SUSD1: variants seen among roughly 807,000 people sequenced by gnomAD.
SUSD1 encodes sushi domain containing 1.
A neutral mutation model predicts 86.9 loss-of-function variants in SUSD1; 65 were observed. The ratio of observed to expected loss-of-function variants is 0.75; its 90% CI spans 0.61 to 0.92. The LOEUF (loss-of-function observed/expected upper bound fraction) is 0.92, where lower values mean the gene tolerates loss of function less well. SUSD1 is among the 40% of genes least tolerant of loss of function. The probability of loss-of-function intolerance (pLI) is 0.00; values close to 1 mark genes in which losing one functional copy is unlikely to be tolerated. For missense variants in SUSD1, 850 were observed against 929.7 expected, an observed-to-expected ratio of 0.91 and a Z score of 1.11; for synonymous variants, 346 against 350.0, an observed-to-expected ratio of 0.99 and a Z score of 0.13.
At chr9:112,163,986 T>A (rs1833675701) in intron 1 of SUSD1, among the ~76,000 whole-genome samples, 3 of 150,596 alleles carry the variant, frequency 2.0e-5, no homozygotes, top group Admixed American at 6.6e-5. Flanking sequence ...GGGCAACAGA[T>A]CAAGACTCTG....
chr9:112,085,602 G>A (rs968355785), intron 10 of SUSD1, among the ~76,000 whole-genome samples: 10 of 152,164 alleles, frequency 6.6e-5, no homozygotes, highest in African/African-American at 2.2e-4. Context: ...AATAGGTTAC[G>A]GGAATTCAGA....
intron 1 of SUSD1, among the ~76,000 whole-genome samples, chr9:112,171,619 G>A (rs894854532): frequency 2.6e-5 from 4 of 152,134 alleles, no homozygotes; most frequent in Non-Finnish European, 4.4e-5. Context: ...TCATTAAGTA[G>A]CCCGCCATGG....
chr9:112,160,710 T>G (rs1031890087), intron 1 of SUSD1, among the ~76,000 whole-genome samples: 1 of 152,158 alleles, frequency 6.6e-6, no homozygotes, highest in Non-Finnish European at 1.5e-5. Flanking sequence ...GATGGATGCA[T>G]GGTAATTGCC....
intron 6 of SUSD1, among the ~76,000 whole-genome samples, chr9:112,117,360 G>A (rs1831370791): frequency 6.6e-6 from 1 of 152,168 alleles, no homozygotes. Flanking sequence ...GAGGTGGGAA[G>A]AGCAGGCCCT....
intron 2 of SUSD1, among the ~76,000 whole-genome samples, chr9:112,156,399 C>T (rs753946662): frequency 4.0e-5 from 6 of 150,822 alleles, no homozygotes; most frequent in South Asian, 4.2e-4. Context: ...GAGGCGGAGG[C>T]TGCAGTGAGC....
chr9:112,089,787 G>A (rs1830128517), intron 10 of SUSD1, among the ~76,000 whole-genome samples: 1 of 145,600 alleles, frequency 6.9e-6, no homozygotes, highest in African/African-American at 2.6e-5. Context: ...ACTCCAGCCT[G>A]GGTGACAGAG....
At chr9:112,127,628 T>A (rs1350980970) in intron 5 of SUSD1, among the ~76,000 whole-genome samples, 2 of 151,980 alleles carry the variant, frequency 1.3e-5, no homozygotes, top group Admixed American at 1.3e-4. Flanking sequence ...TATTACATGC[T>A]AGTCATTATA....
intron 8 of SUSD1, among the ~76,000 whole-genome samples, chr9:112,104,295 G>A (rs1235832519): frequency 6.6e-6 from 1 of 151,854 alleles, no homozygotes; most frequent in East Asian, 1.9e-4. Context: ...TGGGATTACA[G>A]GCATGAACCA....
chr9:112,078,621 C>T lies in SUSD1; in HGVS notation c.1670G>A (p.Arg557His), dbSNP rs773007954. ...ACTGACATTGTAGTTGGTACCCGGA[C>T]GTAGGTCCAAGCACACCTCGGGATC... ...SRDPEVCLDL[R>H]PGTNYNVSLR... The change falls in exon 12 of 17, where the codon CGT becomes CAT. Residue 557 changes from arginine to histidine, a missense_variant. Transcript: ENST00000374270. The T allele has an allele frequency of 3.7e-6, 6 of 1,613,854 alleles. No individual in the cohort carries two copies. The highest frequency in any genetic ancestry group is 3.3e-5 in the Admixed American group (2 of 59,980).
intron 11 of SUSD1, among the ~76,000 whole-genome samples, chr9:112,079,010 C>T (rs1014766930): frequency 8.6e-5 from 13 of 151,772 alleles, no homozygotes; most frequent in South Asian, 2.1e-4. Flanking sequence ...GACAGGGTTT[C>T]GCCATGTTGC....
intron 9 of SUSD1, among the ~76,000 whole-genome samples, chr9:112,099,335 C>A (rs1487839214): frequency 6.6e-6 from 1 of 152,102 alleles, no homozygotes; most frequent in African/African-American, 2.4e-5. Context: ...GCCATTGCAC[C>A]CAACCAAAAT....
intron 7 of SUSD1, 182 bp from the exon 8 acceptor site, chr9:112,112,022 T>C: frequency 1.8e-6 from 1 of 551,632 alleles, no homozygotes; most frequent in Non-Finnish European, 3.1e-6. Context: ...ATTAAACCCC[T>C]AGAGGAGACA....
At position 112,086,001 on chromosome 9, in the gene SUSD1, C is replaced by G. The variant is rs1589632474; in HGVS notation, c.1475-5836G>C. On this transcript the variant is annotated intron_variant, in intron 10 of 16. Coordinates refer to ENST00000374270, the MANE Select transcript of SUSD1 (RefSeq NM_022486.5). ...CATAAAAGGAAAATAGAAAACATTA[C>G]AAACTTTAAATTACTGTTAAGGCCG... is the stretch of plus-strand genomic sequence containing the variant. Among the ~76,000 whole-genome samples the G allele has an allele frequency of 3.3e-5, 5 of 151,714 alleles. No individual in the cohort carries two copies. In the South Asian group the frequency reaches 1.0e-3, roughly 32 times the overall value.
intron 6 of SUSD1, among the ~76,000 whole-genome samples, chr9:112,119,552 G>A (rs553400500): frequency 7.9e-5 from 12 of 152,338 alleles, no homozygotes; most frequent in African/African-American, 2.4e-4. Context: ...TTCTGAGAGC[G>A]TGGAGTGAGT....
chr9:112,064,046 T>TTGGG (rs1491139474), intron 12 of SUSD1, among the ~76,000 whole-genome samples: 1 of 78,656 alleles, frequency 1.3e-5, no homozygotes, highest in African/African-American at 4.0e-5. Flanking sequence ...TTTCTTTTTT[T>TTGGG]GGGGGGGGGG....
chr9:112,125,075 C>T (rs1176818665), intron 5 of SUSD1, among the ~76,000 whole-genome samples: 1 of 151,998 alleles, frequency 6.6e-6, no homozygotes, highest in Non-Finnish European at 1.5e-5. Flanking sequence ...CACTTAAGAG[C>T]CCAAGAAAGT....
chr9:112,086,869 T>G (rs1442161989), intron 10 of SUSD1, among the ~76,000 whole-genome samples: 2 of 151,878 alleles, frequency 1.3e-5, no homozygotes, highest in Non-Finnish European at 2.9e-5. Flanking sequence ...GAAACTGCAT[T>G]TCACTCAGTG....
At chr9:112,090,775 G>T (rs948885698) in intron 10 of SUSD1, among the ~76,000 whole-genome samples, 2 of 152,152 alleles carry the variant, frequency 1.3e-5, no homozygotes, top group African/African-American at 4.8e-5. Flanking sequence ...AAAATATCTT[G>T]TAGTTAGCTT....
chr9:112,130,893 C>T (rs1397827660), intron 5 of SUSD1, among the ~76,000 whole-genome samples: 3 of 151,654 alleles, frequency 2.0e-5, no homozygotes, highest in East Asian at 1.9e-4. Flanking sequence ...ATTGGTGGCT[C>T]ATGCCTGTAG....
Sources: allele counts gnomAD v4.1 joint callset (sites outside exome capture counted in the v4.1 genomes callset), GRCh38; gene constraint gnomAD v4.1.1; transcripts MANE v1.5; gene names NCBI Gene and HGNC (gene_info 2026-07-23, HGNC 2026-07-21).